DNAH17: variants seen among roughly 807,000 people sequenced by gnomAD.
DNAH17 encodes dynein axonemal heavy chain 17, also known as axonemal beta dynein heavy chain 17.
In DNAH17, 376 loss-of-function variants were observed where a neutral mutation model predicts 485.6. The ratio of observed to expected loss-of-function variants is 0.77; its 90% CI spans 0.71 to 0.84. The LOEUF (loss-of-function observed/expected upper bound fraction) is 0.84. DNAH17 is among the 40% of genes least tolerant of loss of function. The pLI, the probability that DNAH17 is intolerant of heterozygous loss-of-function variation, is 0.00. For synonymous variants in DNAH17, 3,031 were observed against 2,405.9 expected (o/e 1.26, Z -7.60); for missense variants, 6,370 against 5,839.3 (o/e 1.09, Z -2.96).
chr17:78,544,370 G>A (rs781549642), intron 16 of DNAH17, among the ~76,000 whole-genome samples: 25 of 152,148 alleles, frequency 1.6e-4, no homozygotes, highest in Non-Finnish European at 2.2e-4. Flanking sequence ...TGGGTGGATC[G>A]TCCATAGCTG....
chr17:78,491,460 CTG>C lies in DNAH17; in HGVS notation c.6650_6651del (p.Thr2217SerfsTer4). On this transcript the variant is annotated frameshift_variant, in exon 43 of 81. Transcript: ENST00000389840. LOFTEE classifies it high-confidence loss of function. ...CCGCGAACCTTGTTGTCATCCATGACTGTGTTGAGAGACTCGATCCACATGGG... is the reference window on the plus strand; with the variant it reads ...CCGCGAACCTTGTTGTCATCCATGACTGTTGAGAGACTCGATCCACATGGG... ...IDPMWIESLN[T>X]VMDDNKVLTL... 1.2e-6 allele frequency: 2 copies of C among 1,613,028 alleles called. No individual in the cohort carries two copies. The highest frequency in any genetic ancestry group is 1.7e-5 in the Admixed American group (1 of 59,900).
At chr17:78,488,743 A>G (rs959724942) in intron 44 of DNAH17, among the ~76,000 whole-genome samples, 2 of 152,138 alleles carry the variant, frequency 1.3e-5, no homozygotes, top group African/African-American at 4.8e-5. Flanking sequence ...ATCATCCTGG[A>G]TTTAGGGTGG....
chr17:78,526,601 C>A (rs1449774030), intron 24 of DNAH17, 50 bp downstream of exon 24: 2 of 1,441,844 alleles, frequency 1.4e-6, no homozygotes, highest in South Asian at 2.6e-5. Context: ...GAAAAGAAAG[C>A]AGTGGGGTTC....
chr17:78,526,614 A>C, intron 24 of DNAH17, 37 bp downstream of exon 24: 1 of 1,521,792 alleles, frequency 6.6e-7, no homozygotes. Flanking sequence ...TGGGGTTCCC[A>C]GACTTACCCC....
Position 78,532,715 on chromosome 17 carries a change from C to G in DNAH17, c.2881G>C (p.Asp961His), listed in dbSNP as rs1216635628. 5.7e-6 allele frequency: 9 copies of G among 1,592,630 alleles called. No homozygotes were observed. The highest frequency in any genetic ancestry group is 6.0e-6 in the Non-Finnish European group (7 of 1,168,198). The part of the protein sequence containing the change: ...NYKMDLEDNT[D>H]LIEMREEVSS... ...ACCTCCTCCCTCATCTCTATGAGGT[C>G]TGTGTTATCTTCCAGGTCCATCTGA... The change falls in exon 20 of 81, where the codon GAC becomes CAC. Residue 961 changes from aspartate to histidine, a missense_variant. Coordinates refer to ENST00000389840, the MANE Select transcript of DNAH17 (RefSeq NM_173628.4).
Position 78,465,550 on chromosome 17 carries a change from G to A in DNAH17, c.8940+1105C>T, listed in dbSNP as rs1284898185. ...GAGCGTCTCTGCCCGGCCGCCCATC[G>A]TCTGAGATGTGGGGAGCGCCTCTGC... On this transcript the variant is annotated intron_variant, in intron 56 of 80. Coordinates refer to ENST00000389840, the MANE Select transcript of DNAH17 (RefSeq NM_173628.4). 2.5e-3 allele frequency among the ~76,000 whole-genome samples: 339 copies of A among 135,178 alleles called. 1 individual carries two copies. Among genetic ancestry groups the A allele is most frequent in the Non-Finnish European group, 4.2e-3 (262 of 62,456 alleles). The allele number at this position is 135,178 out of a possible 152,430, so 88.7% of individuals were successfully genotyped here.
intron 67 of DNAH17, 104 bp downstream of exon 67, chr17:78,450,578 C>A (rs895217013): frequency 3.4e-6 from 5 of 1,468,330 alleles, no homozygotes; most frequent in Non-Finnish European, 2.7e-6. Flanking sequence ...GCACGTATGA[C>A]CGAAGCTGCT....
chr17:78,423,773 T>G lies in DNAH17; in HGVS notation c.*133A>C. ...ACCCTCTGGTTCCGATGTGCTTGGT[T>G]ACAAAGCACCTGATTATTTAAGAGA... On this transcript the variant is annotated 3_prime_UTR_variant, in exon 81 of 81. Coordinates refer to ENST00000389840, the MANE Select transcript of DNAH17 (RefSeq NM_173628.4). 8.1e-7 allele frequency: 1 copy of G among 1,228,656 alleles called. No homozygotes were observed. The highest frequency in any genetic ancestry group is 1.1e-6 in the Non-Finnish European group (1 of 876,092). 76.1% of individuals were successfully genotyped at this position (1,228,656 alleles called of 1,614,324 possible). A position where few individuals can be genotyped will look rare whatever the true frequency, so the allele number is the denominator to read the frequency against.
At chr17:78,492,157 T>A (rs690696) in intron 42 of DNAH17, among the ~76,000 whole-genome samples, 12 of 151,376 alleles carry the variant, frequency 7.9e-5, no homozygotes, top group East Asian at 2.0e-4. Flanking sequence ...TCCCGCTGAC[T>A]CCTCCTCAGC....
intron 26 of DNAH17, among the ~76,000 whole-genome samples, chr17:78,513,584 C>T (rs563999858): frequency 8.5e-5 from 13 of 152,258 alleles, no homozygotes; most frequent in Non-Finnish European, 1.5e-4. Flanking sequence ...TACAGGTGTG[C>T]GCTACCACGC....
chr17:78,575,043 CG>C lies in DNAH17; in HGVS notation c.14del (p.Pro5ArgfsTer5). On this transcript the variant is annotated frameshift_variant, in exon 2 of 81. Coordinates refer to ENST00000389840, the MANE Select transcript of DNAH17 (RefSeq NM_173628.4). LOFTEE classifies it high-confidence loss of function. The stretch of plus-strand genomic sequence containing the variant: ...CCTCCAGATACTCTAGTCTGACGTC[CG>C]GGGCCATTGTCATCTTGGCCTTTCC... MTMA[P>X]DVRLEYLEEV... is the part of the protein sequence containing the mutation. 1 of 1,612,790 alleles carries C rather than the reference CG, an allele frequency of 6.2e-7. No individual in the cohort carries two copies. Among genetic ancestry groups the C allele is most frequent in the East Asian group, 2.2e-5 (1 of 44,856 alleles).
At chr17:78,471,932 C>T (rs189877089) in intron 54 of DNAH17, among the ~76,000 whole-genome samples, 62 of 152,352 alleles carry the variant, frequency 4.1e-4, no homozygotes, top group Non-Finnish European at 7.1e-4. Context: ...TATCTCATCT[C>T]CTCCGGGCCT....
At chr17:78,435,247 C>T (rs2086818619) in intron 74 of DNAH17, among the ~76,000 whole-genome samples, 1 of 152,156 alleles carries the variant, frequency 6.6e-6, no homozygotes, top group South Asian at 2.1e-4. Context: ...CAAGGGAAGG[C>T]CTGGCGGGTG....
At chr17:78,436,725 A>G (rs2086859905) in intron 74 of DNAH17, among the ~76,000 whole-genome samples, 2 of 152,004 alleles carry the variant, frequency 1.3e-5, no homozygotes, top group Admixed American at 1.3e-4. Flanking sequence ...CATGCCTGTA[A>G]TCCCAGCTAC....
In DNAH17 at chr17:78,558,269, A is replaced by C; in HGVS notation, c.2032-15T>G. 1 of 1,612,388 alleles carries C rather than the reference A, an allele frequency of 6.2e-7. No homozygotes were observed. The highest frequency in any genetic ancestry group is 1.7e-5 in the Admixed American group (1 of 59,768). On this transcript the variant is annotated splice_polypyrimidine_tract_variant and intron_variant, in intron 13 of 80. Transcript: ENST00000389840. ...ACTGCCACCAACTAAATGACAAACG[A>C]AGATCAAAGAACATGTCAGCAGGTC...
At chr17:78,522,367 C>A in intron 25 of DNAH17, 1 of 280,304 alleles carries the variant, frequency 3.6e-6, no homozygotes, top group South Asian at 3.5e-5. Context: ...AATTAAAATG[C>A]TAGAGGAAGA....
At chr17:78,444,489 A>G in intron 71 of DNAH17, 115 bp downstream of exon 71, 1 of 1,038,234 alleles carries the variant, frequency 9.6e-7, no homozygotes, top group Non-Finnish European at 1.3e-6. Flanking sequence ...TGGGGAGAAG[A>G]AAAAAGTTCA....
intron 56 of DNAH17, among the ~76,000 whole-genome samples, chr17:78,465,299 G>C (rs1270016216): frequency 6.6e-6 from 1 of 151,434 alleles, no homozygotes; most frequent in Non-Finnish European, 1.5e-5. Flanking sequence ...CCTCCCAGCT[G>C]CCTGCCTTGG....
rs141511853 is a variant in DNAH17 at position 78,434,600 on chromosome 17, CTA to C, written c.12034-382_12034-381del. ...TCACTTATGCACAGTATCCCAAACT[CTA>C]AAAACAACTGGTAAAGTTCCATCAG... On this transcript the variant is annotated intron_variant, in intron 74 of 80. Transcript: ENST00000389840. 1.0e-3 allele frequency among the ~76,000 whole-genome samples: 154 copies of C among 151,262 alleles called. 2 individuals are homozygous for C. In the East Asian group the frequency reaches 0.022, roughly 21 times the overall value.
Sources: gnomAD v4.1 joint callset for allele counts (sites outside exome capture counted in the v4.1 genomes callset) on GRCh38, gnomAD v4.1.1 for gene constraint, MANE v1.5 for transcripts, NCBI Gene and HGNC (gene_info 2026-07-23, HGNC 2026-07-21) for gene names.